CETN3: variants seen among roughly 807,000 people sequenced by gnomAD.
CETN3 encodes the protein centrin-3.
CETN3 carries 17 observed loss-of-function variants against 20.1 expected under a neutral mutation model. The observed-to-expected ratio is 0.85, with a 90% CI of 0.58 to 1.27. The LOEUF (loss-of-function observed/expected upper bound fraction) is 1.27, where lower values mean the gene tolerates loss of function less well. Among genes scored for constraint, CETN3 ranks in the 50% most tolerant of loss-of-function variants. CETN3 has a pLI of 0.00. For missense variants in CETN3, 169 were observed against 191.2 expected, an observed-to-expected ratio of 0.88 and a Z score of 0.69; for synonymous variants, 52 against 59.7, an observed-to-expected ratio of 0.87 and a Z score of 0.59.
chr5:90,407,833 T>G lies in CETN3; in HGVS notation c.19A>C (p.Ser7Arg). 6.4e-7 allele frequency: 1 copy of G among 1,569,656 alleles called. No individual in the cohort carries two copies. The highest frequency in any genetic ancestry group is 8.6e-7 in the Non-Finnish European group (1 of 1,162,382). The change falls in exon 2 of 5, where the codon AGT becomes CGT. Residue 7 changes from serine to arginine, a missense_variant and splice_region_variant. Physicochemically the swap from Ser to Arg is moderately radical, Grantham distance 110. Coordinates refer to ENST00000283122, the MANE Select transcript of CETN3 (RefSeq NM_004365.4). ...TTTGTTTTGTCCACTACAAGCTCACTTCTATGAAATGGAAAGAAAAAGCCC... is the reference window on the plus strand; with the variant it reads ...TTTGTTTTGTCCACTACAAGCTCACGTCTATGAAATGGAAAGAAAAAGCCC... MSLALRSELVVDKTKRK... is the reference protein window; with the variant it reads MSLALRRELVVDKTKRK...
intron 2 of CETN3, among the ~76,000 whole-genome samples, chr5:90,406,383 G>A (rs1749440268): frequency 6.6e-6 from 1 of 151,796 alleles, no homozygotes; most frequent in African/African-American, 2.4e-5. Context: ...TATTTGGGAA[G>A]GATGACTGGT....
intron 1 of CETN3, among the ~76,000 whole-genome samples, chr5:90,409,152 C>A (rs898423871): frequency 3.3e-5 from 5 of 152,086 alleles, no homozygotes; most frequent in African/African-American, 4.8e-5. Flanking sequence ...AGACAGACTG[C>A]CAATTAAAGT....
chr5:90,405,772 C>A lies in CETN3; in HGVS notation c.181G>T (p.Val61Leu), dbSNP rs771892299. 1.2e-6 allele frequency: 2 copies of A among 1,611,522 alleles called. No homozygotes were observed. The highest frequency in any genetic ancestry group is 1.7e-6 in the Non-Finnish European group (2 of 1,178,870). The change falls in exon 3 of 5, where the codon GTA becomes TTA. Residue 61 changes from valine (V) to leucine (L), a missense_variant. Val to Leu is a conservative substitution (Grantham distance 32, BLOSUM62 1). Transcript: ENST00000283122. ...ATCTTCAGTACATCAGCTTTTTTTA[C>A]ATCAAACCCCAAGGCTCTCATTGCC... is the stretch of plus-strand genomic sequence containing the variant. Reference protein sequence around the residue: ...KVAMRALGFDVKKADVLKILK... With the variant: ...KVAMRALGFDLKKADVLKILK...
At chr5:90,404,448 G>C (rs1022271647) in intron 3 of CETN3, among the ~76,000 whole-genome samples, 8 of 152,150 alleles carry the variant, frequency 5.3e-5, no homozygotes, top group African/African-American at 1.9e-4. Context: ...TAAACTTCAG[G>C]AGAGTGTCCA....
chr5:90,409,549 G>A (rs1392062383), intron 1 of CETN3, 96 bp downstream of exon 1: 2 of 1,446,582 alleles, frequency 1.4e-6, no homozygotes, highest in East Asian at 4.5e-5. Context: ...TACATCCCCT[G>A]CCTCGCCTCG....
chr5:90,409,534 C>CA, intron 1 of CETN3, 111 bp downstream of exon 1: 2 of 1,356,768 alleles, frequency 1.5e-6, no homozygotes, highest in Non-Finnish European at 2.1e-6. Context: ...TCCCGCGTCC[C>CA]AAACTACATC....
chr5:90,403,667 C>A, intron 3 of CETN3, among the ~76,000 whole-genome samples: 1 of 151,130 alleles, frequency 6.6e-6, no homozygotes, highest in East Asian at 1.9e-4. Context: ...GTCAGGAGAT[C>A]GAGACCATCC....
intron 3 of CETN3, among the ~76,000 whole-genome samples, chr5:90,403,820 G>A (rs1333474088): frequency 7.6e-6 from 1 of 132,230 alleles, no homozygotes; most frequent in African/African-American, 2.9e-5. Context: ...GCAGTGAGCC[G>A]AGATCCCGCC....
chr5:90,399,454 T>A lies in CETN3; in HGVS notation c.364A>T (p.Asn122Tyr). The A allele has an allele frequency of 6.2e-7, 1 of 1,614,022 alleles. No homozygotes were observed. The highest frequency in any genetic ancestry group is 8.5e-7 in the Non-Finnish European group (1 of 1,179,930). Residue 122 changes from asparagine to tyrosine, a missense_variant, in exon 4 of 5, where the codon AAT becomes TAT. Transcript: ENST00000283122. Reference protein sequence around the residue: ...DDDSGKISLRNLRRVARELGE... With the variant: ...DDDSGKISLRYLRRVARELGE... ...AATTCTCTAGCAACACGTCGCAAAT[T>A]CCTCAAGCTTATTTTACCTGAATCA...
intron 3 of CETN3, among the ~76,000 whole-genome samples, chr5:90,403,728 G>A (rs1483692443): frequency 2.0e-5 from 3 of 150,272 alleles, no homozygotes; most frequent in Non-Finnish European, 3.0e-5. Context: ...AAAATTAGCC[G>A]GGCGTAGTGG....
At chr5:90,398,460 G>A (rs993603408) in intron 4 of CETN3, among the ~76,000 whole-genome samples, 1 of 152,154 alleles carries the variant, frequency 6.6e-6, no homozygotes, top group African/African-American at 2.4e-5. Flanking sequence ...AAAAGATGGT[G>A]TTTAATATTT....
rs1749484873 is a variant in CETN3, at chr5:90,407,599, C to G, written c.153+100G>C. On this transcript the variant is annotated intron_variant, in intron 2 of 4. Coordinates refer to ENST00000283122, the MANE Select transcript of CETN3 (RefSeq NM_004365.4). ...TAAAATGCCTTCATAGTTCCAAAAC[C>G]AATTTAGTTAAAATAATTATTTAGA... is the stretch of plus-strand genomic sequence containing the variant. The G allele has an allele frequency of 4.5e-6, 4 of 896,370 alleles. No homozygotes were observed. In the South Asian group the frequency reaches 1.6e-4, roughly 36 times the overall value. 55.5% of individuals were successfully genotyped at this position (896,370 alleles called of 1,614,324 possible). A position where few individuals can be genotyped will look rare whatever the true frequency, so the allele number is the denominator to read the frequency against.
At chr5:90,394,817 T>C (rs1749101221) in intron 4 of CETN3, among the ~76,000 whole-genome samples, 1 of 152,014 alleles carries the variant, frequency 6.6e-6, no homozygotes, top group African/African-American at 2.4e-5. Context: ...GAATCTCCAA[T>C]TTATAAAACA....
In CETN3 at chr5:90,393,777, A is replaced by C. The variant is rs575250299; in HGVS notation, c.*287T>G. On this transcript the variant is annotated 3_prime_UTR_variant, in exon 5 of 5. Transcript: ENST00000283122. ...TGGAAAATGTGTGCACTAAAAAGTGACTATAAATGTTAAATTAAAAAACCT... is the reference window on the plus strand; with the variant it reads ...TGGAAAATGTGTGCACTAAAAAGTGCCTATAAATGTTAAATTAAAAAACCT... 4.8e-6 allele frequency: 1 copy of C among 208,560 alleles called. No homozygotes were observed. Among genetic ancestry groups the C allele is most frequent in the African/African-American group, 2.3e-5 (1 of 43,786 alleles). The allele number at this position is 208,560 out of a possible 1,614,324, so 12.9% of individuals were successfully genotyped here. A position where few individuals can be genotyped will look rare whatever the true frequency, so the allele number is the denominator to read the frequency against.
intron 4 of CETN3, among the ~76,000 whole-genome samples, chr5:90,397,916 A>G (rs962747638): frequency 1.3e-5 from 2 of 152,192 alleles, no homozygotes; most frequent in Non-Finnish European, 2.9e-5. Context: ...GACATAATTA[A>G]TGCTAATATC....
intron 4 of CETN3, among the ~76,000 whole-genome samples, chr5:90,394,391 G>C (rs1387642935): frequency 6.6e-6 from 1 of 151,914 alleles, no homozygotes; most frequent in Non-Finnish European, 1.5e-5. Flanking sequence ...GTCAATCACA[G>C]TCATATTTGT....
chr5:90,394,944 GGTAA>G (rs1749104024), intron 4 of CETN3, among the ~76,000 whole-genome samples: 1 of 152,022 alleles, frequency 6.6e-6, no homozygotes, highest in African/African-American at 2.4e-5. Context: ...AGATACTTCT[GGTAA>G]GTATTTAGCA....
intron 3 of CETN3, among the ~76,000 whole-genome samples, chr5:90,403,593 C>T (rs1257022656): frequency 1.3e-5 from 2 of 152,016 alleles, no homozygotes; most frequent in Admixed American, 6.6e-5. Context: ...AATTTTTGGC[C>T]GGGCGCGGTG....
chr5:90,397,126 T>A (rs920458254), intron 4 of CETN3, among the ~76,000 whole-genome samples: 2 of 152,074 alleles, frequency 1.3e-5, no homozygotes, highest in Non-Finnish European at 2.9e-5. Flanking sequence ...TCCCCTGTGC[T>A]TATCAAGGGA....
Sources: gnomAD v4.1 joint callset for allele counts (sites outside exome capture counted in the v4.1 genomes callset) on GRCh38, gnomAD v4.1.1 for gene constraint, MANE v1.5 for transcripts, NCBI Gene and HGNC (gene_info 2026-07-23, HGNC 2026-07-21) for gene names.